The following COX7B2 variants were observed in gnomAD, a reference collection of about 807,000 sequenced individuals.
COX7B2 encodes the protein cytochrome c oxidase subunit 7B2, also known as cytochrome c oxidase subunit 7B2, mitochondrial.
For missense variants in COX7B2, 109 were observed against 95.9 expected (o/e 1.14, Z -0.57); for synonymous variants, 37 against 32.1 (o/e 1.15, Z -0.51).
chr4:46,789,146 C>T (rs1382156685), intron 2 of COX7B2, among the ~76,000 whole-genome samples: 6 of 152,068 alleles, frequency 3.9e-5, no homozygotes, highest in Non-Finnish European at 5.9e-5. Context: ...TCTATGAATC[C>T]AATCAACATT....
intron 2 of COX7B2, among the ~76,000 whole-genome samples, chr4:46,761,861 C>A (rs1363178778): frequency 6.6e-6 from 1 of 151,730 alleles, no homozygotes; most frequent in Non-Finnish European, 1.5e-5. Flanking sequence ...CCCAAAATTC[C>A]ACCGTCCATT....
chr4:46,829,176 A>G (rs1714904984), intron 2 of COX7B2, among the ~76,000 whole-genome samples: 2 of 152,150 alleles, frequency 1.3e-5, no homozygotes, highest in Non-Finnish European at 2.9e-5. Context: ...CTTATTTTTC[A>G]TGGTGTATGT....
At chr4:46,830,708 T>C (rs988302434) in intron 2 of COX7B2, among the ~76,000 whole-genome samples, 10 of 152,234 alleles carry the variant, frequency 6.6e-5, no homozygotes, top group African/African-American at 2.2e-4. Context: ...TATTTCTTGC[T>C]CATATAAGCC....
chr4:46,752,475 G>C (rs562392970), intron 2 of COX7B2, among the ~76,000 whole-genome samples: 1 of 152,196 alleles, frequency 6.6e-6, no homozygotes, highest in Non-Finnish European at 1.5e-5. Context: ...AGTGGTGAGA[G>C]AGGGCATCCC....
chr4:46,819,397 A>G (rs1346718744), intron 2 of COX7B2, among the ~76,000 whole-genome samples: 1 of 152,220 alleles, frequency 6.6e-6, no homozygotes, highest in Admixed American at 6.5e-5. Context: ...GAAAGTCACT[A>G]AAAGAGACAA....
intron 2 of COX7B2, among the ~76,000 whole-genome samples, chr4:46,822,824 AAAT>A (rs1348867777): frequency 6.6e-6 from 1 of 152,222 alleles, no homozygotes; most frequent in African/African-American, 2.4e-5. Flanking sequence ...AATACATAAA[AAAT>A]AATAGGTCAG....
intron 2 of COX7B2, among the ~76,000 whole-genome samples, chr4:46,837,005 T>C (rs1001124212): frequency 1.3e-5 from 2 of 152,098 alleles, no homozygotes; most frequent in Admixed American, 1.3e-4. Context: ...CAGTTTTACA[T>C]ATAGATTAGT....
At chr4:46,766,629 A>G (rs1716554386) in intron 2 of COX7B2, among the ~76,000 whole-genome samples, 1 of 148,568 alleles carries the variant, frequency 6.7e-6, no homozygotes, top group African/African-American at 2.5e-5. Context: ...TTGACCCAGG[A>G]GGCAGAGGTT....
chr4:46,784,405 T>C (rs1337877730), intron 2 of COX7B2, among the ~76,000 whole-genome samples: 1 of 152,068 alleles, frequency 6.6e-6, no homozygotes, highest in Non-Finnish European at 1.5e-5. Context: ...GGCAGACAGA[T>C]CATGAGGTCA....
intron 2 of COX7B2, among the ~76,000 whole-genome samples, chr4:46,800,069 G>A (rs1718573479): frequency 6.6e-6 from 1 of 151,886 alleles, no homozygotes; most frequent in African/African-American, 2.4e-5. Context: ...AGCTAACCAG[G>A]GAGCTGAAAA....
intron 2 of COX7B2, among the ~76,000 whole-genome samples, chr4:46,767,528 TTCTA>T (rs1190448085): frequency 6.6e-6 from 1 of 152,112 alleles, no homozygotes; most frequent in Non-Finnish European, 1.5e-5. Flanking sequence ...ATACAGAACA[TTCTA>T]TCCAAGAGCA....
At chr4:46,743,607 G>A (rs140241891) in intron 2 of COX7B2, among the ~76,000 whole-genome samples, 5 of 152,230 alleles carry the variant, frequency 3.3e-5, no homozygotes, top group Admixed American at 1.3e-4. Flanking sequence ...ACTTGAAAAC[G>A]GGGTTTCGAT....
At chr4:46,814,409 C>T (rs1719442840) in intron 2 of COX7B2, among the ~76,000 whole-genome samples, 1 of 152,180 alleles carries the variant, frequency 6.6e-6, no homozygotes, top group African/African-American at 2.4e-5. Context: ...CATAATGTGT[C>T]TCTTTAAGTG....
chr4:46,768,314 C>T (rs890801852), intron 2 of COX7B2, among the ~76,000 whole-genome samples: 10 of 152,144 alleles, frequency 6.6e-5, no homozygotes, highest in Non-Finnish European at 1.3e-4. Flanking sequence ...GGAGTTCAGC[C>T]GTCCCCACGC....
At chr4:46,880,792 A>G (rs1718669226) in intron 1 of COX7B2, among the ~76,000 whole-genome samples, 1 of 137,348 alleles carries the variant, frequency 7.3e-6, no homozygotes, top group African/African-American at 2.7e-5. Context: ...GAATTGAACA[A>G]TGAGATCACA....
At chr4:46,828,688 G>A (rs1039387998) in intron 2 of COX7B2, among the ~76,000 whole-genome samples, 1 of 152,030 alleles carries the variant, frequency 6.6e-6, no homozygotes, top group Non-Finnish European at 1.5e-5. Context: ...AATTATGAGC[G>A]ATAAAACTAT....
chr4:46,795,119 G>C (rs370640328), intron 2 of COX7B2, among the ~76,000 whole-genome samples: 11 of 136,578 alleles, frequency 8.1e-5, no homozygotes, highest in Non-Finnish European at 1.4e-4. Context: ...AGATGAGTAG[G>C]TTGCAAAAAT....
intron 2 of COX7B2, among the ~76,000 whole-genome samples, chr4:46,827,474 G>A (rs2109714174): frequency 6.6e-6 from 1 of 152,092 alleles, no homozygotes; most frequent in East Asian, 1.9e-4. Context: ...AAGTAGAGAA[G>A]GAAAAGTTTT....
chr4:46,784,497 T>C (rs918028216), intron 2 of COX7B2, among the ~76,000 whole-genome samples: 2 of 152,132 alleles, frequency 1.3e-5, no homozygotes, highest in African/African-American at 4.8e-5. Context: ...TGGTGGCGCA[T>C]GCCTGTAATT....
Sources: gnomAD v4.1 joint callset for allele counts (sites outside exome capture counted in the v4.1 genomes callset) on GRCh38, gnomAD v4.1.1 for gene constraint, MANE v1.5 for transcripts, NCBI Gene and HGNC (gene_info 2026-07-23, HGNC 2026-07-21) for gene names.